SDK1: variants seen among roughly 807,000 people sequenced by gnomAD.
SDK1 encodes sidekick cell adhesion molecule 1.
Under a neutral mutation model 245.5 loss-of-function variants are expected in SDK1, and 157 were observed. The observed-to-expected ratio is 0.64, with a 90% CI of 0.56 to 0.73. The LOEUF (loss-of-function observed/expected upper bound fraction) is 0.73, where lower values mean the gene tolerates loss of function less well. Among genes scored for constraint, SDK1 ranks in the 30% least tolerant of loss-of-function variants. The pLI is 0.00. For missense variants in SDK1, 3,583 were observed against 3,002.3 expected (o/e 1.19, Z -4.52); for synonymous variants, 1,647 against 1,278.5 (o/e 1.29, Z -6.15).
chr7:3,437,790 A>C (rs142444181), intron 1 of SDK1, among the ~76,000 whole-genome samples: 1 of 152,326 alleles, frequency 6.6e-6, no homozygotes, highest in East Asian at 1.9e-4. Flanking sequence ...GATATGATTA[A>C]GGATACCAAA....
intron 5 of SDK1, among the ~76,000 whole-genome samples, chr7:3,946,031 CAAT>C (rs1300592130): frequency 6.8e-6 from 1 of 146,668 alleles, no homozygotes; most frequent in Non-Finnish European, 1.5e-5. Flanking sequence ...AAAATCCAAC[CAAT>C]AAGAGCCCTA....
intron 4 of SDK1, among the ~76,000 whole-genome samples, chr7:3,698,551 C>T (rs1562379358): frequency 6.6e-6 from 1 of 152,168 alleles, no homozygotes; most frequent in South Asian, 2.1e-4. Context: ...TCACAGAACC[C>T]TCTGCACCTC....
rs1258826246 is a variant in SDK1 at position 3,580,988 on chromosome 7, AAAAAAACCAAAAC to A, written c.299-38087_299-38075del. ...CATCTCAAAAAAAAAAAAAAAAAAA[AAAAAAACCAAAAC>A]AAAACCCTGGAAGACAATCTATGCA... On this transcript the variant is annotated intron_variant, in intron 1 of 44. Transcript: ENST00000404826. 1.7e-4 allele frequency among the ~76,000 whole-genome samples: 23 copies of A among 136,738 alleles called. 1 individual carries two copies. Among genetic ancestry groups the A allele is most frequent in the East Asian group, 4.6e-4 (2 of 4,334 alleles). 89.7% of individuals were successfully genotyped at this position (136,738 alleles called of 152,430 possible).
chr7:3,371,009 A>C (rs566422212), intron 1 of SDK1, among the ~76,000 whole-genome samples: 1 of 152,248 alleles, frequency 6.6e-6, no homozygotes, highest in South Asian at 2.1e-4. Flanking sequence ...CCTGACTGCA[A>C]ATCACTTAAA....
At chr7:3,943,445 G>A (rs1160293978) in intron 5 of SDK1, among the ~76,000 whole-genome samples, 1 of 6,592 alleles carries the variant, frequency 1.5e-4, no homozygotes, top group African/African-American at 6.9e-4. Context: ...GCATATTCTG[G>A]TCTCCCTGCC....
rs1041156505 is a variant in SDK1, at chr7:3,538,437, C to T, written c.299-80643C>T. Among the ~76,000 whole-genome samples, 6 of 152,180 alleles carry T rather than the reference C, an allele frequency of 3.9e-5. No homozygotes were observed. The South Asian group carries it at 6.2e-4, about 16-fold the overall frequency. ...ATTTTGCCTTTTAATGTATCCTCTTCACTCTGAGGCAAGTTCAGAAATCTG... is the reference window on the plus strand; with the variant it reads ...ATTTTGCCTTTTAATGTATCCTCTTTACTCTGAGGCAAGTTCAGAAATCTG... On this transcript the variant is annotated intron_variant, in intron 1 of 44. Transcript: ENST00000404826.
chr7:3,809,095 C>G (rs1779321832), intron 4 of SDK1, among the ~76,000 whole-genome samples: 1 of 152,054 alleles, frequency 6.6e-6, no homozygotes, highest in African/African-American at 2.4e-5. Context: ...GCAGGCTGTA[C>G]AGGAAGCATG....
In SDK1 at chr7:3,862,016, A is replaced by G. The variant is rs548961962; in HGVS notation, c.847+40433A>G. Among the ~76,000 whole-genome samples the G allele has an allele frequency of 2.6e-5, 4 of 152,328 alleles. No homozygotes were observed. The South Asian group carries it at 8.3e-4, about 32-fold the overall frequency. On this transcript the variant is annotated intron_variant, in intron 5 of 44. Transcript: ENST00000404826. ...TGGCAGCAAACAAAGGCTGCCGAGT[A>G]TTATTGTGTATAAATGTTTCCCAGA...
At chr7:4,264,213 G>T (rs1788275572) in intron 44 of SDK1, among the ~76,000 whole-genome samples, 1 of 78,176 alleles carries the variant, frequency 1.3e-5, no homozygotes, top group Non-Finnish European at 2.6e-5. Flanking sequence ...GAGTGGGGGA[G>T]GCCGCGTAGA....
chr7:4,052,415 T>C (rs1478058463), intron 19 of SDK1, among the ~76,000 whole-genome samples: 2 of 151,972 alleles, frequency 1.3e-5, no homozygotes, highest in Non-Finnish European at 2.9e-5. Context: ...TTACAGTTAT[T>C]TGTAGCTGGA....
intron 4 of SDK1, among the ~76,000 whole-genome samples, chr7:3,781,408 A>G (rs564386403): frequency 1.3e-5 from 2 of 152,146 alleles, no homozygotes; most frequent in Non-Finnish European, 2.9e-5. Flanking sequence ...TTCCAGAATC[A>G]CAGTCTAGAT....
intron 1 of SDK1, among the ~76,000 whole-genome samples, chr7:3,599,803 T>C (rs912680457): frequency 6.6e-6 from 1 of 152,236 alleles, no homozygotes; most frequent in African/African-American, 2.4e-5. Context: ...TTTATGTCTT[T>C]GATCCCTCTA....
At chr7:3,537,941 C>T (rs560585193) in intron 1 of SDK1, among the ~76,000 whole-genome samples, 4 of 152,284 alleles carry the variant, frequency 2.6e-5, no homozygotes, top group Admixed American at 6.5e-5. Flanking sequence ...AAAGAGTGAA[C>T]CTCCAGTGCT....
intron 11 of SDK1, 117 bp from the exon 12 acceptor site, chr7:3,971,349 C>A: frequency 2.8e-6 from 2 of 708,100 alleles, no homozygotes; most frequent in Non-Finnish European, 5.1e-6. Flanking sequence ...CTCATTCTGC[C>A]AAGATGAGAG....
chr7:3,585,695 TTGGTA>T (rs1327731607), intron 1 of SDK1, among the ~76,000 whole-genome samples: 1 of 151,590 alleles, frequency 6.6e-6, no homozygotes, highest in African/African-American at 2.4e-5. Context: ...AGACGGGAGT[TTGGTA>T]GGGGAGGGAA....
At chr7:3,843,706 A>G (rs912910358) in intron 5 of SDK1, among the ~76,000 whole-genome samples, 3 of 152,156 alleles carry the variant, frequency 2.0e-5, no homozygotes, top group Non-Finnish European at 2.9e-5. Context: ...TTTCATAGGA[A>G]ACTCGCCTGA....
At chr7:4,209,552 G>T (rs1339038516) in intron 37 of SDK1, among the ~76,000 whole-genome samples, 6 of 152,176 alleles carry the variant, frequency 3.9e-5, no homozygotes, top group Non-Finnish European at 8.8e-5. Context: ...TGTGGTGGGA[G>T]ATTTCACGTG....
chr7:4,118,106 A>G (rs1218373149), intron 25 of SDK1, among the ~76,000 whole-genome samples: 1 of 152,236 alleles, frequency 6.6e-6, no homozygotes, highest in Non-Finnish European at 1.5e-5. Context: ...TCAGAATGAA[A>G]ACCTTTATGC....
At chr7:3,479,994 C>G (rs995180019) in intron 1 of SDK1, among the ~76,000 whole-genome samples, 3 of 152,112 alleles carry the variant, frequency 2.0e-5, no homozygotes, top group African/African-American at 7.2e-5. Context: ...TGCCCCCTCA[C>G]CTGTCCACGC....
Sources: gnomAD v4.1 joint callset for allele counts (sites outside exome capture counted in the v4.1 genomes callset) on GRCh38, gnomAD v4.1.1 for gene constraint, MANE v1.5 for transcripts, NCBI Gene and HGNC (gene_info 2026-07-23, HGNC 2026-07-21) for gene names.